Variants in OR51B5 observed in about 807,000 individuals in gnomAD.
OR51B5 encodes olfactory receptor 51B5.
For missense variants in OR51B5, 456 were observed against 374.6 expected (o/e 1.22, Z -1.79); for synonymous variants, 186 against 144.8 (o/e 1.28, Z -2.04).
chr11:5,342,881 G>A lies in OR51B5; in HGVS notation c.644C>T (p.Ser215Phe), dbSNP rs767233055. 4 of 1,613,122 alleles carry A rather than the reference G, an allele frequency of 2.5e-6. No homozygotes were observed. In the Admixed American group the frequency reaches 5.0e-5, roughly 20 times the overall value. Residue 215 changes from serine (S) to phenylalanine (F), a missense_variant, in exon 1 of 1, where the codon TCC (serine) becomes TTC (phenylalanine). By Grantham distance (155) the Ser-to-Phe change is radical. Transcript: ENST00000300773. ...GACAGTCTTGAGTATCAACACATAG[G>A]AGATGAAGATAATCAGATAATCCAG...
At chr11:5,467,047 T>C (rs559162225) in intron 1 of OR51B5, among the ~76,000 whole-genome samples, 11 of 152,230 alleles carry the variant, frequency 7.2e-5, no homozygotes, top group Non-Finnish European at 1.6e-4. Flanking sequence ...GCTCATTTGC[T>C]GGACATTTTT....
chr11:5,392,664 G>C (rs926932866), intron 1 of OR51B5: 3 of 152,274 alleles, frequency 2.0e-5, no homozygotes, highest in African/African-American at 7.2e-5. Context: ...TGTAATCCCA[G>C]CACTCTGGGA....
intron 1 of OR51B5, among the ~76,000 whole-genome samples, chr11:5,381,159 T>TTCTCTC (rs71050492): frequency 7.3e-5 from 8 of 110,060 alleles, no homozygotes; most frequent in Non-Finnish European, 1.0e-4. Context: ...CGCTCGCTGT[T>TTCTCTC]TCTCTCTCTC....
At chr11:5,349,406 TTTTTTTTAATTTATCAA>T (rs1849040264) in intron 1 of OR51B5, among the ~76,000 whole-genome samples, 1 of 151,800 alleles carries the variant, frequency 6.6e-6, no homozygotes, top group Non-Finnish European at 1.5e-5. Flanking sequence ...CTACTCCTGT[TTTTTTTTAATTTATCAA>T]TTATATGTTT....
At chr11:5,384,227 T>G in intron 1 of OR51B5, among the ~76,000 whole-genome samples, 1 of 152,288 alleles carries the variant, frequency 6.6e-6, no homozygotes, top group Admixed American at 6.5e-5. Flanking sequence ...CAGGCTACAG[T>G]GCAGTGGTGT....
intron 1 of OR51B5, among the ~76,000 whole-genome samples, chr11:5,415,733 T>C (rs919076991): frequency 5.9e-5 from 9 of 152,014 alleles, no homozygotes; most frequent in African/African-American, 1.9e-4. Flanking sequence ...CAGGAAGAAG[T>C]TGAATCTCTG....
At chr11:5,406,369 C>G (rs1252667457) in intron 1 of OR51B5, among the ~76,000 whole-genome samples, 2 of 152,090 alleles carry the variant, frequency 1.3e-5, no homozygotes, top group Non-Finnish European at 2.9e-5. Flanking sequence ...GAAGTCCAGT[C>G]TCAGAGACAA....
At chr11:5,489,689 A>G in intron 1 of OR51B5, 1 of 1,506,226 alleles carries the variant, frequency 6.6e-7, no homozygotes, top group Non-Finnish European at 9.2e-7. Flanking sequence ...TGGAGATTTA[A>G]AAAAAAGTGT....
intron 1 of OR51B5, among the ~76,000 whole-genome samples, chr11:5,412,480 G>C (rs1288739492): frequency 6.6e-6 from 1 of 152,198 alleles, no homozygotes; most frequent in Non-Finnish European, 1.5e-5. Context: ...AGCCGAAGCA[G>C]GGCGAGGCAT....
chr11:5,419,180 T>G (rs1267992886), intron 1 of OR51B5, among the ~76,000 whole-genome samples: 3 of 152,232 alleles, frequency 2.0e-5, no homozygotes, highest in African/African-American at 7.2e-5. Context: ...GGGGGCACAC[T>G]TGTGTGTCAC....
chr11:5,359,724 C>A (rs376613552), intron 1 of OR51B5, among the ~76,000 whole-genome samples: 2 of 150,488 alleles, frequency 1.3e-5, no homozygotes, highest in African/African-American at 4.9e-5. Flanking sequence ...GGAGGCATCA[C>A]GCTACCTGAC....
At chr11:5,389,797 C>A (rs1589969837) in intron 1 of OR51B5, 3 of 1,613,866 alleles carry the variant, frequency 1.9e-6, no homozygotes, top group Non-Finnish European at 2.5e-6. Context: ...TGTCCTTTGA[C>A]CGCCTTGTGG....
At chr11:5,354,038 C>G (rs183460235) in intron 1 of OR51B5, among the ~76,000 whole-genome samples, 1 of 152,240 alleles carries the variant, frequency 6.6e-6, no homozygotes, top group Admixed American at 6.5e-5. Flanking sequence ...TAACATAGTT[C>G]TTATTCCCTA....
At chr11:5,344,331 T>G (rs766532795), upstream of OR51B5, among the ~76,000 whole-genome samples, 3 of 152,218 alleles carry the variant, frequency 2.0e-5, no homozygotes, top group Non-Finnish European at 4.4e-5. Context: ...TTACAAGTAG[T>G]GTCTTTTTCT....
chr11:5,376,975 C>T (rs1264094796), intron 1 of OR51B5, among the ~76,000 whole-genome samples: 17 of 152,054 alleles, frequency 1.1e-4, no homozygotes, highest in Admixed American at 1.0e-3. Context: ...CCAGCATCAT[C>T]CTAATACCAA....
intron 1 of OR51B5, among the ~76,000 whole-genome samples, chr11:5,419,175 C>A (rs961179802): frequency 6.6e-6 from 1 of 152,122 alleles, no homozygotes; most frequent in African/African-American, 2.4e-5. Flanking sequence ...CTTTTGGGGG[C>A]ACACTTGTGT....
At position 5,445,999 on chromosome 11, in the gene OR51B5, C is replaced by A. The variant is rs7102535; in HGVS notation, n.84+59570G>T. On this transcript the variant is annotated intron_variant and non_coding_transcript_variant, in intron 1 of 4. Coordinates refer to the OR51B5 transcript ENST00000415970. ...AAACCATCATTCTCAGCAAACTATC[C>A]CAAGGACAAAAAACCAAACACCGCA... 6.6e-5 allele frequency among the ~76,000 whole-genome samples: 10 copies of A among 151,770 alleles called. No homozygotes were observed. In the East Asian group the frequency reaches 1.9e-3, roughly 29 times the overall value.
intron 1 of OR51B5, among the ~76,000 whole-genome samples, chr11:5,461,393 G>A (rs1406150706): frequency 6.6e-6 from 1 of 152,190 alleles, no homozygotes; most frequent in Non-Finnish European, 1.5e-5. Flanking sequence ...CAAGCATTTT[G>A]GCAGGACAGC....
intron 1 of OR51B5, among the ~76,000 whole-genome samples, chr11:5,453,008 T>C (rs1554893353): frequency 7.3e-6 from 1 of 136,500 alleles, no homozygotes; most frequent in Non-Finnish European, 1.5e-5. Context: ...TCTGGGAAAG[T>C]CTCTCATTAA....
Sources: allele counts gnomAD v4.1 joint callset (sites outside exome capture counted in the v4.1 genomes callset), GRCh38; gene constraint gnomAD v4.1.1; transcripts MANE v1.5; gene names NCBI Gene and HGNC (gene_info 2026-07-23, HGNC 2026-07-21).